SCAMP4: variants seen among roughly 807,000 people sequenced by gnomAD.
SCAMP4 encodes secretory carrier membrane protein 4.
A neutral mutation model predicts 32.1 loss-of-function variants in SCAMP4; 19 were observed. The ratio of observed to expected loss-of-function variants is 0.59; its 90% confidence interval spans 0.41 to 0.87. SCAMP4 has a LOEUF of 0.87. Ranked by LOEUF, SCAMP4 falls within the 40% of genes least tolerant of loss-of-function variation. SCAMP4 has a pLI of 0.00. For synonymous variants in SCAMP4, 152 were observed against 132.7 expected, an observed-to-expected ratio of 1.15 and a Z score of -1.00; for missense variants, 302 against 309.0, an observed-to-expected ratio of 0.98 and a Z score of 0.17.
At chr19:1,911,186 T>C (rs1393478490) in intron 1 of SCAMP4, among the ~76,000 whole-genome samples, 2 of 150,932 alleles carry the variant, frequency 1.3e-5, no homozygotes, top group Non-Finnish European at 3.0e-5. Flanking sequence ...TTCATTTTTT[T>C]TTTGAGATGG....
Position 1,923,137 on chromosome 19 carries a change from G to A in SCAMP4, c.463G>A (p.Ala155Thr). 6.4e-7 allele frequency: 1 copy of A among 1,553,194 alleles called. No individual in the cohort carries two copies. The highest frequency in any genetic ancestry group is 8.7e-7 in the Non-Finnish European group (1 of 1,147,920). ...CGCTGCCGTGGTCATGCTGCTTCCA[G>A]CCATCATGTTCTCCGTGTCGGCTGC... ...PGAAVVMLLP[A>T]IMFSVSAAMM... is the part of the protein sequence containing the mutation. Residue 155 changes from alanine (A) to threonine (T), a missense_variant, in exon 6 of 7, where the codon GCC becomes ACC. Coordinates refer to ENST00000316097, the MANE Select transcript of SCAMP4 (RefSeq NM_079834.4).
intron 2 of SCAMP4, among the ~76,000 whole-genome samples, chr19:1,916,873 CTG>C (rs1331503960): frequency 9.2e-5 from 14 of 152,368 alleles, no homozygotes; most frequent in Non-Finnish European, 1.5e-4. Flanking sequence ...CCTGCTGAGC[CTG>C]CATGTTGGCG....
chr19:1,913,055 C>G, intron 1 of SCAMP4: 1 of 1,603,332 alleles, frequency 6.2e-7, no homozygotes, highest in East Asian at 2.2e-5. Context: ...TGGGCACCCG[C>G]TTCCGCATCC....
chr19:1,908,667 T>C lies in SCAMP4; in HGVS notation c.-42+3228T>C. ...AGGTTTTTAGGATTTTATTATTATT[T>C]ATTTATTTGAAAAAAGGAACAGGGT... On this transcript the variant is annotated intron_variant, in intron 1 of 6. Transcript: ENST00000316097. The surrounding 1 kb of genome is among the most constrained non-coding windows in gnomAD (Gnocchi z 4.2). The C allele has an allele frequency of 2.3e-6, 1 of 439,214 alleles. No individual in the cohort carries two copies. The highest frequency in any genetic ancestry group is 1.7e-5 in the South Asian group (1 of 60,390). 27.2% of individuals were successfully genotyped at this position (439,214 alleles called of 1,614,324 possible). A position where few individuals can be genotyped will look rare whatever the true frequency, so the allele number is the denominator to read the frequency against.
rs2013779645 is a variant in SCAMP4, at chr19:1,917,740, G to A, written c.54G>A (p.Lys18=). ...FPPLPKFIPV[K]PCFYQNFSDE... ...CACTGCCCAAGTTCATCCCTGTGAA[G>A]CCCTGCTTCTACCAGAACTTCTCCG... The change falls in exon 3 of 7, where the codon AAG becomes AAA. Residue 18 remains lysine (K), a synonymous_variant. Coordinates refer to ENST00000316097, the MANE Select transcript of SCAMP4 (RefSeq NM_079834.4). The A allele has an allele frequency of 2.5e-6, 4 of 1,614,052 alleles. No homozygotes were observed. Among genetic ancestry groups the A allele is most frequent in the Non-Finnish European group, 3.4e-6 (4 of 1,179,900 alleles).
chr19:1,911,807 AAAG>A (rs2013464484), intron 1 of SCAMP4: 3 of 421,752 alleles, frequency 7.1e-6, no homozygotes, highest in Admixed American at 4.4e-5. Context: ...AATAAAAAAA[AAAG>A]AAAATGATCT....
At position 1,921,355 on chromosome 19, in the gene SCAMP4, A is replaced by G. The variant is rs138529133; in HGVS notation, c.396-1715A>G. 4 of 985,448 alleles carry G rather than the reference A, an allele frequency of 4.1e-6. No homozygotes were observed. In the East Asian group the frequency reaches 3.4e-4, roughly 84 times the overall value. 61.0% of individuals were successfully genotyped at this position (985,448 alleles called of 1,614,324 possible). A position where few individuals can be genotyped will look rare whatever the true frequency, so the allele number is the denominator to read the frequency against. On this transcript the variant is annotated intron_variant, in intron 5 of 6. Coordinates refer to ENST00000316097, the MANE Select transcript of SCAMP4 (RefSeq NM_079834.4). Reference sequence around the variant, plus strand: ...AGCATCTGTGGTGGCAGAGGACTGGAAACTCCAGAGAAATGACCCCCAGCG... The same window carrying G: ...AGCATCTGTGGTGGCAGAGGACTGGGAACTCCAGAGAAATGACCCCCAGCG...
At position 1,913,326 on chromosome 19, in the gene SCAMP4, G is replaced by T. The variant is rs1254128911; in HGVS notation, c.-41-1653G>T. The T allele has an allele frequency of 7.2e-6, 7 of 970,210 alleles. No homozygotes were observed. In the East Asian group the frequency reaches 1.7e-4, roughly 23 times the overall value. 60.1% of individuals were successfully genotyped at this position (970,210 alleles called of 1,614,324 possible). A position where few individuals can be genotyped will look rare whatever the true frequency, so the allele number is the denominator to read the frequency against. On this transcript the variant is annotated intron_variant, in intron 1 of 6. Coordinates refer to ENST00000316097, the MANE Select transcript of SCAMP4 (RefSeq NM_079834.4). ...GTGCGGATCGAGCTTTCCTGGACTC[G>T]GTCATTGGGGCCACCCCGTGCCAGC...
At chr19:1,913,986 C>T (rs1396150468) in intron 1 of SCAMP4, among the ~76,000 whole-genome samples, 2 of 152,224 alleles carry the variant, frequency 1.3e-5, no homozygotes, top group Non-Finnish European at 2.9e-5. Flanking sequence ...GCCAGGAGCC[C>T]GCCAGGCCTG....
rs745345583 is a variant in SCAMP4, at chr19:1,917,778, T to C, written c.92T>C (p.Val31Ala). The change falls in exon 3 of 7, where the codon GTG becomes GCG. Residue 31 changes from valine to alanine, a missense_variant. Coordinates refer to ENST00000316097, the MANE Select transcript of SCAMP4 (RefSeq NM_079834.4). ...CAGAACTTCTCCGACGAGATCCCAG[T>C]GGAGCACCAGGTCCTGGTGAAGAGG... ...FYQNFSDEIPVEHQVLVKRIY... is the reference protein window; with the variant it reads ...FYQNFSDEIPAEHQVLVKRIY... 8.1e-6 allele frequency: 13 copies of C among 1,613,742 alleles called. No individual in the cohort carries two copies. The highest frequency in any genetic ancestry group is 2.2e-5 in the South Asian group (2 of 91,068).
Position 1,924,088 on chromosome 19 carries a change from C to T in SCAMP4, c.514-20C>T, listed in dbSNP as rs749861256. On this transcript the variant is annotated intron_variant, in intron 6 of 6. Transcript: ENST00000316097. ...ATGCTCATTTTCTGTCTTCTGCCTCCCTGTCCTCTGTCCTTGCAGGTGCAC... is the reference window on the plus strand; with the variant it reads ...ATGCTCATTTTCTGTCTTCTGCCTCTCTGTCCTCTGTCCTTGCAGGTGCAC... The T allele has an allele frequency of 1.8e-5, 28 of 1,578,342 alleles. No individual in the cohort carries two copies. The highest frequency in any genetic ancestry group is 2.1e-5 in the Non-Finnish European group (25 of 1,170,056).
At chr19:1,909,322 C>T (rs2013310902) in intron 1 of SCAMP4, among the ~76,000 whole-genome samples, 2 of 152,164 alleles carry the variant, frequency 1.3e-5, no homozygotes, top group African/African-American at 4.8e-5. Flanking sequence ...TGGCTGTCCC[C>T]ACGCCTGCCT....
At chr19:1,912,221 G>A in intron 1 of SCAMP4, 1 of 1,594,718 alleles carries the variant, frequency 6.3e-7, no homozygotes, top group South Asian at 1.1e-5. Flanking sequence ...ACGTGGAGCT[G>A]GTGCTGGCCT....
Position 1,924,594 on chromosome 19 carries a change from G to A in SCAMP4, c.*310G>A. 3 of 370,136 alleles carry A rather than the reference G, an allele frequency of 8.1e-6. No individual in the cohort carries two copies. In the South Asian group the frequency reaches 9.5e-5, roughly 12 times the overall value. The allele number at this position is 370,136 out of a possible 1,614,324, so 22.9% of individuals were successfully genotyped here. A position where few individuals can be genotyped will look rare whatever the true frequency, so the allele number is the denominator to read the frequency against. The stretch of plus-strand genomic sequence containing the variant: ...CACGGCTGGTACGGCCTTGTCTTCA[G>A]GTCTCGAGGCCTGACTCCGGGGGAC... On this transcript the variant is annotated 3_prime_UTR_variant, in exon 7 of 7. Coordinates refer to ENST00000316097, the MANE Select transcript of SCAMP4 (RefSeq NM_079834.4).
At position 1,917,396 on chromosome 19, in the gene SCAMP4, G is replaced by A. The variant is rs150379045; in HGVS notation, c.8-298G>A. Among the ~76,000 whole-genome samples, 841 of 152,298 alleles carry A rather than the reference G, an allele frequency of 5.5e-3. 7 individuals carry two copies. The highest frequency in any genetic ancestry group is 0.019 in the African/African-American group (795 of 41,568). On this transcript the variant is annotated intron_variant, in intron 2 of 6. Coordinates refer to ENST00000316097, the MANE Select transcript of SCAMP4 (RefSeq NM_079834.4). Reference sequence around the variant, plus strand: ...CAGAAACGCTAACATCAAGCTGTAGGCCGGTTCCCGCCTTGCCCAGCGTCT... The same window carrying A: ...CAGAAACGCTAACATCAAGCTGTAGACCGGTTCCCGCCTTGCCCAGCGTCT...
intron 5 of SCAMP4, 148 bp downstream of exon 5, chr19:1,919,138 C>A: frequency 1.4e-6 from 2 of 1,456,762 alleles, no homozygotes; most frequent in South Asian, 1.4e-5. Context: ...ACCCTGGCAG[C>A]GCCCGCGTCC....
intron 2 of SCAMP4, among the ~76,000 whole-genome samples, chr19:1,916,391 A>AGC (rs1331652045): frequency 1.3e-5 from 2 of 152,078 alleles, no homozygotes; most frequent in African/African-American, 4.8e-5. Context: ...CTGCAGAGGG[A>AGC]GCGCGTTCCT....
intron 1 of SCAMP4, among the ~76,000 whole-genome samples, chr19:1,909,044 G>A (rs1599232937): frequency 6.6e-6 from 1 of 151,496 alleles, no homozygotes; most frequent in South Asian, 2.1e-4. Flanking sequence ...AGTGGAGGTT[G>A]CAGTGAGCTG....
At chr19:1,912,172 G>A in intron 1 of SCAMP4, 7 of 1,576,776 alleles carry the variant, frequency 4.4e-6, no homozygotes, top group Non-Finnish European at 6.0e-6. Flanking sequence ...CCGGCGCCGT[G>A]GCAGGCCCTC....
Sources: allele counts gnomAD v4.1 joint callset (sites outside exome capture counted in the v4.1 genomes callset), GRCh38; gene constraint gnomAD v4.1.1; non-coding constraint Gnocchi (gnomAD v3.1); transcripts MANE v1.5; gene names NCBI Gene and HGNC (gene_info 2026-07-23, HGNC 2026-07-21).